Variants in KIAA0825 observed in about 807,000 individuals in gnomAD.
KIAA0825 encodes the protein KIAA0825.
A neutral mutation model predicts 147.6 loss-of-function variants in KIAA0825; 119 were observed. That is an observed-to-expected ratio of 0.81 (90% confidence interval 0.69 to 0.94). The LOEUF is 0.94. KIAA0825 is among the 40% of genes least tolerant of loss of function. The pLI is 0.00. For synonymous variants in KIAA0825, 470 were observed against 518.1 expected, an observed-to-expected ratio of 0.91 and a Z score of 1.26; for missense variants, 1,381 against 1,472.7, an observed-to-expected ratio of 0.94 and a Z score of 1.02.
At chr5:94,319,714 C>G (rs1358109352) in intron 20 of KIAA0825, among the ~76,000 whole-genome samples, 1 of 151,944 alleles carries the variant, frequency 6.6e-6, no homozygotes, top group Non-Finnish European at 1.5e-5. Flanking sequence ...TTACTTTTTA[C>G]TATCCCCATC....
At chr5:94,243,039 T>TA (rs2150107694) in intron 20 of KIAA0825, among the ~76,000 whole-genome samples, 1 of 152,344 alleles carries the variant, frequency 6.6e-6, no homozygotes, top group East Asian at 1.9e-4. Flanking sequence ...CTCTGACACT[T>TA]ACTAGCTGTG....
chr5:94,476,630 ATT>A (rs1432152906), intron 7 of KIAA0825, among the ~76,000 whole-genome samples: 1 of 152,180 alleles, frequency 6.6e-6, no homozygotes, highest in Non-Finnish European at 1.5e-5. Context: ...AATGCCTTTA[ATT>A]GGCTAAACCG....
At chr5:94,423,597 T>A (rs1308399764) in intron 14 of KIAA0825, among the ~76,000 whole-genome samples, 1 of 152,166 alleles carries the variant, frequency 6.6e-6, no homozygotes, top group Non-Finnish European at 1.5e-5. Context: ...AGAATGTTGT[T>A]AATGACAAGC....
intron 20 of KIAA0825, among the ~76,000 whole-genome samples, chr5:94,332,461 C>G (rs933266314): frequency 1.3e-5 from 2 of 152,022 alleles, no homozygotes; most frequent in African/African-American, 4.8e-5. Flanking sequence ...CACTTATGAG[C>G]GAGAAAATGC....
intron 20 of KIAA0825, among the ~76,000 whole-genome samples, chr5:94,207,639 A>G (rs950348967): frequency 2.6e-5 from 4 of 152,258 alleles, no homozygotes; most frequent in African/African-American, 9.6e-5. Flanking sequence ...ACACACAGCA[A>G]TATCACAATA....
intron 20 of KIAA0825, among the ~76,000 whole-genome samples, chr5:94,237,839 T>C (rs1775140282): frequency 6.6e-6 from 1 of 152,152 alleles, no homozygotes; most frequent in South Asian, 2.1e-4. Flanking sequence ...ATGTCCTAAG[T>C]AGGAGGTGGC....
intron 1 of KIAA0825, among the ~76,000 whole-genome samples, chr5:94,614,115 C>T (rs1358680120): frequency 6.6e-6 from 1 of 151,956 alleles, no homozygotes; most frequent in Non-Finnish European, 1.5e-5. Context: ...CATACAGGCC[C>T]TAAGTATTAT....
At chr5:94,190,349 G>A (rs543231238) in intron 20 of KIAA0825, among the ~76,000 whole-genome samples, 134 of 152,060 alleles carry the variant, frequency 8.8e-4, no homozygotes, top group African/African-American at 3.0e-3. Flanking sequence ...GTTTTGAGAC[G>A]GAGTCTCGCT....
intron 1 of KIAA0825, among the ~76,000 whole-genome samples, chr5:94,591,305 G>A (rs1467827031): frequency 1.3e-5 from 2 of 152,190 alleles, no homozygotes; most frequent in Admixed American, 1.3e-4. Context: ...ATCAATTGAA[G>A]GTTTGCTCAA....
At chr5:94,489,036 T>C (rs768176009) in intron 5 of KIAA0825, among the ~76,000 whole-genome samples, 1 of 152,176 alleles carries the variant, frequency 6.6e-6, no homozygotes, top group Non-Finnish European at 1.5e-5. Flanking sequence ...CCTTACAGAT[T>C]TTCCTTTCAT....
At chr5:94,564,979 T>C (rs13157565) in intron 2 of KIAA0825, among the ~76,000 whole-genome samples, 2 of 145,462 alleles carry the variant, frequency 1.4e-5, no homozygotes, top group Non-Finnish European at 3.0e-5. Context: ...TTTTCTTCTC[T>C]TCTCTTCTCT....
intron 20 of KIAA0825, among the ~76,000 whole-genome samples, chr5:94,315,095 T>G (rs1038351190): frequency 2.0e-5 from 3 of 151,670 alleles, no homozygotes; most frequent in African/African-American, 7.3e-5. Flanking sequence ...TCACTGGATA[T>G]GGTTCTCAGT....
intron 16 of KIAA0825, among the ~76,000 whole-genome samples, chr5:94,397,019 A>G (rs1017082509): frequency 6.6e-6 from 1 of 151,702 alleles, no homozygotes; most frequent in Non-Finnish European, 1.5e-5. Flanking sequence ...ATCTCAGTCC[A>G]TTTATACCCT....
chr5:94,180,701 C>G (rs1769534152), intron 20 of KIAA0825, among the ~76,000 whole-genome samples: 1 of 151,998 alleles, frequency 6.6e-6, no homozygotes, highest in South Asian at 2.1e-4. Flanking sequence ...TTTAGGTAAC[C>G]TGCTTTATTT....
chr5:94,475,016 G>A (rs1761697965), intron 7 of KIAA0825, among the ~76,000 whole-genome samples: 1 of 151,902 alleles, frequency 6.6e-6, no homozygotes, highest in Non-Finnish European at 1.5e-5. Context: ...TGGAACCTGG[G>A]AGGCGGAGGT....
At chr5:94,244,076 C>G (rs913208778) in intron 20 of KIAA0825, among the ~76,000 whole-genome samples, 13 of 152,132 alleles carry the variant, frequency 8.5e-5, no homozygotes, top group Non-Finnish European at 1.6e-4. Flanking sequence ...GGTTCTGGTT[C>G]CAGCCAGGCT....
chr5:94,399,665 T>C (rs1203057314), intron 16 of KIAA0825, among the ~76,000 whole-genome samples: 2 of 152,116 alleles, frequency 1.3e-5, no homozygotes, highest in African/African-American at 2.4e-5. Flanking sequence ...AAGCCGTATA[T>C]ATGTAACATA....
intron 2 of KIAA0825, chr5:94,569,884 TG>T (rs568266754): frequency 5.8e-4 from 94 of 161,388 alleles, no homozygotes; most frequent in Non-Finnish European, 1.2e-3. Context: ...CCTGAAACAT[TG>T]GTATTATCCT....
intron 1 of KIAA0825, among the ~76,000 whole-genome samples, chr5:94,614,341 C>G (rs1789798104): frequency 6.6e-6 from 1 of 152,134 alleles, no homozygotes; most frequent in Non-Finnish European, 1.5e-5. Context: ...TTTGTACACT[C>G]TAATGTTTCT....
Sources: gnomAD v4.1 joint callset for allele counts (sites outside exome capture counted in the v4.1 genomes callset) on GRCh38, gnomAD v4.1.1 for gene constraint, MANE v1.5 for transcripts, NCBI Gene and HGNC (gene_info 2026-07-23, HGNC 2026-07-21) for gene names.